The following NRXN1 variants were observed in gnomAD, a reference collection of about 807,000 sequenced individuals.
The protein encoded by NRXN1 is neurexin-1.
NRXN1 carries 39 observed loss-of-function variants against 150.9 expected under a neutral mutation model. That is an observed-to-expected ratio of 0.26 (90% CI 0.20 to 0.34). NRXN1 has a LOEUF of 0.34. Among genes scored for constraint, NRXN1 ranks in the 10% least tolerant of loss-of-function variants. The pLI is 1.00. For synonymous variants in NRXN1, 924 were observed against 757.0 expected, an observed-to-expected ratio of 1.22 and a Z score of -3.62; for missense variants, 1,815 against 1,949.9, an observed-to-expected ratio of 0.93 and a Z score of 1.30.
intron 18 of NRXN1, among the ~76,000 whole-genome samples, chr2:50,104,613 C>T (rs1246456884): frequency 2.0e-5 from 3 of 151,980 alleles, no homozygotes; most frequent in African/African-American, 7.2e-5. Flanking sequence ...TCCTTCTAAG[C>T]ACTTTACAGG....
intron 18 of NRXN1, among the ~76,000 whole-genome samples, chr2:50,180,563 G>C (rs937114045): frequency 6.6e-6 from 1 of 152,034 alleles, no homozygotes; most frequent in African/African-American, 2.4e-5. Context: ...GCAATATAAA[G>C]AGCTTTGGGG....
At chr2:49,997,778 G>C (rs1315136779) in intron 21 of NRXN1, among the ~76,000 whole-genome samples, 4 of 152,094 alleles carry the variant, frequency 2.6e-5, no homozygotes, top group Admixed American at 2.6e-4. Flanking sequence ...CTTACAGCCT[G>C]TTCCTAGAGT....
At chr2:50,835,084 G>T (rs1026948911) in intron 5 of NRXN1, among the ~76,000 whole-genome samples, 1 of 152,104 alleles carries the variant, frequency 6.6e-6, no homozygotes, top group East Asian at 1.9e-4. Flanking sequence ...ACAGCCCAGG[G>T]TGAGCTTCCT....
chr2:50,174,476 A>C (rs2152804311), intron 18 of NRXN1, among the ~76,000 whole-genome samples: 1 of 152,244 alleles, frequency 6.6e-6, no homozygotes, highest in Admixed American at 6.5e-5. Flanking sequence ...GCTATTAAAA[A>C]CCAAGTAAGG....
At chr2:51,004,072 A>G (rs2105119163) in intron 2 of NRXN1, among the ~76,000 whole-genome samples, 2 of 151,266 alleles carry the variant, frequency 1.3e-5, no homozygotes, top group Middle Eastern at 3.4e-3. Context: ...GGTGGGGGAA[A>G]AAAAAAAAAA....
intron 16 of NRXN1, among the ~76,000 whole-genome samples, chr2:50,470,602 C>T (rs2089365016): frequency 6.6e-6 from 1 of 151,756 alleles, no homozygotes; most frequent in Non-Finnish European, 1.5e-5. Context: ...ATAAATGATT[C>T]ATAATCACCT....
chr2:50,278,233 A>ATTTATATATATATATTATATATATGTAT (rs2070831033), intron 17 of NRXN1, among the ~76,000 whole-genome samples: 1 of 49,852 alleles, frequency 2.0e-5, no homozygotes, highest in South Asian at 4.9e-4. Flanking sequence ...TGGCTTTTAT[A>ATTTATATATATATATTATATATATGTAT]TATATATAAT....
At chr2:50,637,223 A>T (rs1683360173) in intron 5 of NRXN1, among the ~76,000 whole-genome samples, 1 of 152,180 alleles carries the variant, frequency 6.6e-6, no homozygotes, top group South Asian at 2.1e-4. Context: ...CTTATTAATT[A>T]TATACTGGGT....
At chr2:50,331,819 A>T (rs915784622) in intron 17 of NRXN1, among the ~76,000 whole-genome samples, 1 of 152,196 alleles carries the variant, frequency 6.6e-6, no homozygotes, top group Non-Finnish European at 1.5e-5. Context: ...AAAAGTCGTA[A>T]GTTGAAGATA....
chr2:50,581,262 A>G (rs1203352775), intron 8 of NRXN1, among the ~76,000 whole-genome samples: 2 of 152,194 alleles, frequency 1.3e-5, no homozygotes, highest in African/African-American at 4.8e-5. Flanking sequence ...GGCTAGTGAA[A>G]ATATCCTTTC....
At chr2:50,499,718 G>A (rs2091844524) in intron 13 of NRXN1, among the ~76,000 whole-genome samples, 1 of 151,838 alleles carries the variant, frequency 6.6e-6, no homozygotes, top group African/African-American at 2.4e-5. Flanking sequence ...GAGGCCTAGG[G>A]GGGCAGATCA....
At chr2:50,481,155 C>T (rs565293964) in intron 15 of NRXN1, among the ~76,000 whole-genome samples, 4 of 152,328 alleles carry the variant, frequency 2.6e-5, no homozygotes, top group South Asian at 2.1e-4. Context: ...TGTTAATTGT[C>T]CGTTAATCCA....
At chr2:50,765,612 G>GATAT (rs1247527177) in intron 5 of NRXN1, among the ~76,000 whole-genome samples, 1 of 151,980 alleles carries the variant, frequency 6.6e-6, no homozygotes, top group Admixed American at 6.6e-5. Flanking sequence ...ACCAAATGCA[G>GATAT]ATATAATCAA....
In NRXN1 at chr2:50,623,510, T is replaced by G; in HGVS notation, c.938A>C (p.Lys313Thr). The G allele has an allele frequency of 6.2e-7, 1 of 1,613,484 alleles. No individual in the cohort carries two copies. The part of the protein sequence containing the change: ...SSSDEITLSF[K>T]TLQRNGLMLH... ...CATCAGTCCATTCCTCTGAAGGGTT[T>G]TAAATGACAGAGTTATTTCATCACT... Residue 313 changes from lysine (K) to threonine (T), a missense_variant, in exon 6 of 23, where the codon AAA becomes ACA. Lys to Thr is a moderately conservative substitution (Grantham distance 78). Coordinates refer to ENST00000401669, the MANE Select transcript of NRXN1 (RefSeq NM_001330078.2).
intron 5 of NRXN1, among the ~76,000 whole-genome samples, chr2:50,863,806 G>A (rs938948695): frequency 6.6e-6 from 1 of 151,902 alleles, no homozygotes; most frequent in Non-Finnish European, 1.5e-5. Flanking sequence ...TTAAAAAACT[G>A]TAAAAGCCCA....
At chr2:50,875,658 C>G (rs1326786780) in intron 5 of NRXN1, among the ~76,000 whole-genome samples, 1 of 151,770 alleles carries the variant, frequency 6.6e-6, no homozygotes, top group Non-Finnish European at 1.5e-5. Context: ...CAATTACATT[C>G]TCCCCATGGG....
intron 21 of NRXN1, among the ~76,000 whole-genome samples, chr2:50,038,616 T>C (rs1690413758): frequency 6.6e-6 from 1 of 152,150 alleles, no homozygotes; most frequent in African/African-American, 2.4e-5. Context: ...TCCTGACCCA[T>C]AAAAACTGAA....
chr2:49,969,393 A>G (rs1677548971), intron 21 of NRXN1, among the ~76,000 whole-genome samples: 1 of 152,074 alleles, frequency 6.6e-6, no homozygotes, highest in Non-Finnish European at 1.5e-5. Context: ...TACATGGAAA[A>G]TTGAGAATTG....
intron 5 of NRXN1, among the ~76,000 whole-genome samples, chr2:50,723,034 T>C (rs1241968040): frequency 6.6e-6 from 1 of 152,130 alleles, no homozygotes; most frequent in African/African-American, 2.4e-5. Flanking sequence ...TCGCTGTGTA[T>C]TGTCATTCAG....
Sources: gnomAD v4.1 joint callset for allele counts (sites outside exome capture counted in the v4.1 genomes callset) on GRCh38, gnomAD v4.1.1 for gene constraint, MANE v1.5 for transcripts, NCBI Gene and HGNC (gene_info 2026-07-23, HGNC 2026-07-21) for gene names.